Variants in HECW2 observed in about 807,000 individuals in gnomAD.
The protein encoded by HECW2 is E3 ubiquitin-protein ligase HECW2.
In HECW2, 61 loss-of-function variants were observed where a neutral mutation model predicts 175.2. The ratio of observed to expected loss-of-function variants is 0.35; its 90% CI spans 0.28 to 0.43. The LOEUF is 0.43. Ranked by LOEUF, HECW2 falls within the 20% of genes least tolerant of loss-of-function variation. The pLI, the probability that HECW2 is intolerant of heterozygous loss-of-function variation, is 1.00. For synonymous variants in HECW2, 671 were observed against 731.0 expected, an observed-to-expected ratio of 0.92 and a Z score of 1.32; for missense variants, 1,524 against 2,000.5, an observed-to-expected ratio of 0.76 and a Z score of 4.54.
At chr2:196,217,868 A>G (rs558385038) in intron 26 of HECW2, 1 of 152,394 alleles carries the variant, frequency 6.6e-6, no homozygotes, top group South Asian at 2.1e-4. Context: ...ATGAATAGAC[A>G]TAGTTAATGG....
chr2:196,347,551 C>T (rs941461072), intron 2 of HECW2, among the ~76,000 whole-genome samples: 4 of 152,098 alleles, frequency 2.6e-5, no homozygotes. Context: ...AAAGTTAGCC[C>T]TTTGAAGCCA....
intron 3 of HECW2, among the ~76,000 whole-genome samples, chr2:196,338,202 G>A (rs973014655): frequency 5.3e-5 from 8 of 152,210 alleles, no homozygotes; most frequent in Admixed American, 2.0e-4. Flanking sequence ...ACCTGTTCTC[G>A]AGTAAAGGGG....
chr2:196,455,113 G>A (rs996205466), intron 1 of HECW2, among the ~76,000 whole-genome samples: 42 of 150,700 alleles, frequency 2.8e-4, no homozygotes, highest in Non-Finnish European at 4.4e-4. Context: ...GGCTCACTGC[G>A]ACCTCCACCT....
intron 1 of HECW2, among the ~76,000 whole-genome samples, chr2:196,477,771 G>T (rs1315619829): frequency 6.6e-6 from 1 of 152,206 alleles, no homozygotes; most frequent in Admixed American, 6.5e-5. Flanking sequence ...TCACAGAGAG[G>T]CTGGGTGCAG....
At chr2:196,533,540 G>A (rs1189596244) in intron 1 of HECW2, among the ~76,000 whole-genome samples, 1 of 152,028 alleles carries the variant, frequency 6.6e-6, no homozygotes, top group African/African-American at 2.4e-5. Flanking sequence ...CCTTCAGTTT[G>A]CAGGCTGCAG....
chr2:196,216,346 A>C (rs1178116928), intron 27 of HECW2, among the ~76,000 whole-genome samples: 1 of 152,170 alleles, frequency 6.6e-6, no homozygotes, highest in Non-Finnish European at 1.5e-5. Flanking sequence ...GGGTGAATTT[A>C]AAAAAGAGAA....
intron 10 of HECW2, among the ~76,000 whole-genome samples, chr2:196,315,119 A>C (rs1260526342): frequency 6.7e-6 from 1 of 149,552 alleles, no homozygotes; most frequent in Non-Finnish European, 1.5e-5. Flanking sequence ...CAGATTTGCA[A>C]GTTGCTTGGT....
intron 2 of HECW2, among the ~76,000 whole-genome samples, chr2:196,396,042 A>G (rs981764482): frequency 6.6e-6 from 1 of 152,226 alleles, no homozygotes; most frequent in African/African-American, 2.4e-5. Context: ...AATCTTAAAA[A>G]TGATGGAAAT....
chr2:196,365,657 C>A (rs926660441), intron 2 of HECW2, among the ~76,000 whole-genome samples: 2 of 152,144 alleles, frequency 1.3e-5, no homozygotes, highest in African/African-American at 4.8e-5. Context: ...GCTAAAATAT[C>A]AAGGGTAGGA....
At chr2:196,360,937 G>T (rs995519468) in intron 2 of HECW2, among the ~76,000 whole-genome samples, 3 of 152,168 alleles carry the variant, frequency 2.0e-5, no homozygotes, top group Admixed American at 1.3e-4. Flanking sequence ...CTTTGTGAGA[G>T]TCTATCCAAT....
chr2:196,384,559 GC>G lies in HECW2; in HGVS notation c.293-40796del, dbSNP rs1184729545. ...ACAGCACTACTATACTCCAGCCTGG[GC>G]AACAGAGCAAGACCCTGTCTCCAAA... is the stretch of plus-strand genomic sequence containing the variant. On this transcript the variant is annotated intron_variant, in intron 2 of 28. Transcript: ENST00000644978. Among the ~76,000 whole-genome samples the G allele has an allele frequency of 2.0e-5, 3 of 152,216 alleles. No homozygotes were observed. In the East Asian group the frequency reaches 5.8e-4, roughly 29 times the overall value.
intron 11 of HECW2, 95 bp downstream of exon 11, chr2:196,307,840 A>G (rs1691326497): frequency 8.3e-7 from 1 of 1,202,108 alleles, no homozygotes; most frequent in African/African-American, 1.5e-5. Flanking sequence ...AGGACACACA[A>G]AGATCAAAGA....
intron 1 of HECW2, among the ~76,000 whole-genome samples, chr2:196,568,522 C>T (rs753567377): frequency 6.6e-6 from 1 of 152,146 alleles, no homozygotes; most frequent in African/African-American, 2.4e-5. Context: ...CAGGACATAA[C>T]CCCATAATAA....
chr2:196,438,769 C>T (rs1179336493), intron 1 of HECW2, among the ~76,000 whole-genome samples: 1 of 152,212 alleles, frequency 6.6e-6, no homozygotes, highest in Non-Finnish European at 1.5e-5. Context: ...TGAAGACATC[C>T]AGTCCGGGGG....
chr2:196,382,662 T>C (rs1347382513), intron 2 of HECW2, among the ~76,000 whole-genome samples: 1 of 152,216 alleles, frequency 6.6e-6, no homozygotes, highest in Non-Finnish European at 1.5e-5. Flanking sequence ...TTGTATTCTC[T>C]GTCTTGTAGC....
intron 1 of HECW2, among the ~76,000 whole-genome samples, chr2:196,569,043 T>C (rs1690282623): frequency 6.6e-6 from 1 of 152,198 alleles, no homozygotes; most frequent in African/African-American, 2.4e-5. Context: ...AGCTTTGTTA[T>C]AAAATAGGCT....
chr2:196,375,594 G>A (rs969217927), intron 2 of HECW2, among the ~76,000 whole-genome samples: 1 of 152,174 alleles, frequency 6.6e-6, no homozygotes, highest in South Asian at 2.1e-4. Flanking sequence ...ACATCAGGAC[G>A]GGTAAAAGAC....
intron 2 of HECW2, among the ~76,000 whole-genome samples, chr2:196,353,735 T>C (rs1693256945): frequency 6.6e-6 from 1 of 152,210 alleles, no homozygotes; most frequent in Admixed American, 6.5e-5. Flanking sequence ...TCCCCATTGA[T>C]TCTTTCTGAA....
intron 1 of HECW2, among the ~76,000 whole-genome samples, chr2:196,505,637 TGGTCTG>T (rs1435810824): frequency 7.9e-5 from 12 of 152,142 alleles, no homozygotes; most frequent in Non-Finnish European, 1.6e-4. Flanking sequence ...AATCACAGGC[TGGTCTG>T]ATTTTTCAAA....
Sources: gnomAD v4.1 joint callset for allele counts (sites outside exome capture counted in the v4.1 genomes callset) on GRCh38, gnomAD v4.1.1 for gene constraint, MANE v1.5 for transcripts, NCBI Gene and HGNC (gene_info 2026-07-23, HGNC 2026-07-21) for gene names.